RFX4: variants seen among roughly 807,000 people sequenced by gnomAD.
RFX4 encodes the protein regulatory factor X4, also known as transcription factor RFX4.
A neutral mutation model predicts 95.0 loss-of-function variants in RFX4; 10 were observed. That is an observed-to-expected ratio of 0.11 (90% CI 0.06 to 0.18). RFX4 has a LOEUF of 0.18. Among genes scored for constraint, RFX4 ranks in the 10% least tolerant of loss-of-function variants. The pLI, the probability that RFX4 is intolerant of heterozygous loss-of-function variation, is 1.00. For synonymous variants in RFX4, 321 were observed against 340.7 expected, an observed-to-expected ratio of 0.94 and a Z score of 0.64; for missense variants, 640 against 922.0, an observed-to-expected ratio of 0.69 and a Z score of 3.96.
intron 4 of RFX4, among the ~76,000 whole-genome samples, chr12:106,667,689 G>A (rs777952132): frequency 5.3e-5 from 8 of 152,118 alleles, no homozygotes; most frequent in African/African-American, 1.2e-4. Context: ...GTATTTACCC[G>A]TCTCTCCAAT....
intron 7 of RFX4, among the ~76,000 whole-genome samples, chr12:106,689,703 A>G (rs1200187791): frequency 6.6e-6 from 1 of 152,192 alleles, no homozygotes; most frequent in African/African-American, 2.4e-5. Context: ...AAGCTTCCTT[A>G]CATTTTGGAA....
intron 1 of RFX4, among the ~76,000 whole-genome samples, chr12:106,590,287 T>C (rs1419816399): frequency 6.6e-6 from 1 of 152,228 alleles, no homozygotes; most frequent in East Asian, 1.9e-4. Flanking sequence ...AAAGTGGTAA[T>C]AGTTAACATA....
intron 2 of RFX4, 93 bp downstream of exon 2, chr12:106,608,976 A>G: frequency 1.9e-6 from 2 of 1,078,388 alleles, no homozygotes. Flanking sequence ...GGCTGGGCCA[A>G]GTCACCTGGA....
At chr12:106,606,101 C>T (rs2137195790) in intron 1 of RFX4, among the ~76,000 whole-genome samples, 1 of 152,274 alleles carries the variant, frequency 6.6e-6, no homozygotes, top group South Asian at 2.1e-4. Context: ...AATGTTGCCA[C>T]GAAGTTTTCA....
chr12:106,606,353 G>C (rs549066716), intron 1 of RFX4, among the ~76,000 whole-genome samples: 1 of 152,282 alleles, frequency 6.6e-6, no homozygotes, highest in Admixed American at 6.5e-5. Flanking sequence ...TGCTTTTGGT[G>C]GTAAGGTTTG....
chr12:106,616,106 TACTC>T (rs2040068021), intron 2 of RFX4, among the ~76,000 whole-genome samples: 1 of 152,232 alleles, frequency 6.6e-6, no homozygotes, highest in Non-Finnish European at 1.5e-5. Context: ...TTTTTGTAGA[TACTC>T]ATTATCAGGT....
intron 13 of RFX4, among the ~76,000 whole-genome samples, chr12:106,726,780 CT>C (rs1277220183): frequency 1.3e-5 from 2 of 151,284 alleles, no homozygotes; most frequent in South Asian, 2.1e-4. Context: ...CTCAACCACA[CT>C]TTTTTTTTGA....
chr12:106,624,992 A>G (rs1251252848), intron 2 of RFX4, among the ~76,000 whole-genome samples: 1 of 152,236 alleles, frequency 6.6e-6, no homozygotes, highest in African/African-American at 2.4e-5. Flanking sequence ...TGAGCCTTTC[A>G]GTATCAGCAC....
At chr12:106,615,094 A>G (rs111961357) in intron 2 of RFX4, among the ~76,000 whole-genome samples, 1 of 152,128 alleles carries the variant, frequency 6.6e-6, no homozygotes, top group Non-Finnish European at 1.5e-5. Flanking sequence ...TTAACATATC[A>G]TCTAGCAGCT....
At chr12:106,633,191 C>T (rs1328516039) in intron 2 of RFX4, among the ~76,000 whole-genome samples, 8 of 152,172 alleles carry the variant, frequency 5.3e-5, no homozygotes, top group Non-Finnish European at 8.8e-5. Context: ...AAGGAGCCAG[C>T]AGAGGTGGAC....
At chr12:106,673,841 C>T (rs1056595426) in intron 4 of RFX4, among the ~76,000 whole-genome samples, 1 of 152,250 alleles carries the variant, frequency 6.6e-6, no homozygotes, top group Non-Finnish European at 1.5e-5. Context: ...AATTAATGCA[C>T]TGAGCCACCT....
chr12:106,761,399 A>G lies in RFX4; in HGVS notation c.2138A>G (p.Tyr713Cys). ...CTGACAACGCGCAGGAATTCTGAATATGAGCACATGCAACACTTTCCTGGC... is the reference window on the plus strand; with the variant it reads ...CTGACAACGCGCAGGAATTCTGAATGTGAGCACATGCAACACTTTCCTGGC... ...TPLTTRRNSE[Y>C]EHMQHFPGFA... Residue 713 changes from tyrosine (Y) to cysteine (C), a missense_variant, in exon 18 of 18, where the codon TAT becomes TGT. Physicochemically the swap from Tyr to Cys is radical, Grantham distance 194. Around this residue, in one of 7 missense-constraint regions of RFX4, gnomAD observed 300 missense variants for 346.8 expected, o/e 0.87. Coordinates refer to ENST00000392842, the MANE Select transcript of RFX4 (RefSeq NM_213594.3). 6.2e-7 allele frequency: 1 copy of G among 1,614,184 alleles called. No individual in the cohort carries two copies. Among genetic ancestry groups the G allele is most frequent in the Non-Finnish European group, 8.5e-7 (1 of 1,180,022 alleles).
At chr12:106,747,652 G>T in intron 16 of RFX4, 53 bp downstream of exon 16, 1 of 1,583,858 alleles carries the variant, frequency 6.3e-7, no homozygotes, top group East Asian at 2.2e-5. Context: ...ATCTAAAGAG[G>T]CTGGGCACAG....
intron 5 of RFX4, among the ~76,000 whole-genome samples, chr12:106,686,451 A>G (rs1203790790): frequency 3.3e-5 from 5 of 151,844 alleles, no homozygotes; most frequent in Non-Finnish European, 5.9e-5. Context: ...AAAGAAAAGG[A>G]AAACACAGGC....
chr12:106,753,847 C>T (rs1223971800), intron 17 of RFX4, among the ~76,000 whole-genome samples: 3 of 152,196 alleles, frequency 2.0e-5, no homozygotes, highest in Non-Finnish European at 1.5e-5. Flanking sequence ...CTCTATTCTG[C>T]AGGCACAGGA....
Position 106,720,923 on chromosome 12 carries a change from G to T in RFX4, c.1351+47G>T. 6.5e-7 allele frequency: 1 copy of T among 1,540,586 alleles called. No homozygotes were observed. The highest frequency in any genetic ancestry group is 9.0e-7 in the Non-Finnish European group (1 of 1,115,084). Reference sequence around the variant, plus strand: ...CCATCTCCAAGCACTTTTTCCTCTGGGCACGGAGCCCAGAGGAATCTACCA... The same window carrying T: ...CCATCTCCAAGCACTTTTTCCTCTGTGCACGGAGCCCAGAGGAATCTACCA... On this transcript the variant is annotated intron_variant, in intron 13 of 17. Coordinates refer to ENST00000392842, the MANE Select transcript of RFX4 (RefSeq NM_213594.3). This position sits in a 1 kb window ranked among gnomAD's most constrained non-coding sequence, Gnocchi z 4.2.
chr12:106,672,562 T>A (rs1028489371), intron 4 of RFX4, among the ~76,000 whole-genome samples: 2 of 152,316 alleles, frequency 1.3e-5, no homozygotes, highest in South Asian at 2.1e-4. Context: ...AGCTCAACTT[T>A]CACAGCTCCA....
chr12:106,751,179 A>C, intron 17 of RFX4, among the ~76,000 whole-genome samples: 1 of 151,316 alleles, frequency 6.6e-6, no homozygotes, highest in South Asian at 2.1e-4. Context: ...GAGTGAGAAC[A>C]TGCAGTGTTT....
chr12:106,702,275 A>C (rs140693544), intron 8 of RFX4, among the ~76,000 whole-genome samples: 46 of 152,230 alleles, frequency 3.0e-4, no homozygotes, highest in African/African-American at 1.1e-3. Context: ...AGAAGAGTAG[A>C]GACTGGGGTA....
Sources: gnomAD v4.1 joint callset for allele counts (sites outside exome capture counted in the v4.1 genomes callset) on GRCh38, gnomAD v4.1.1 for gene constraint, gnomAD v4.1.1 regional missense constraint, Gnocchi (gnomAD v3.1) non-coding constraint, MANE v1.5 for transcripts, NCBI Gene and HGNC (gene_info 2026-07-23, HGNC 2026-07-21) for gene names.